Variants in SMOC2 observed in about 807,000 individuals in gnomAD.
The protein encoded by SMOC2 is SPARC-related modular calcium-binding protein 2.
SMOC2 carries 39 observed loss-of-function variants against 61.4 expected under a neutral mutation model. That is an observed-to-expected ratio of 0.64 (90% CI 0.49 to 0.83). The LOEUF (loss-of-function observed/expected upper bound fraction) is 0.83, where lower values mean the gene tolerates loss of function less well. SMOC2 is among the 40% of genes least tolerant of loss of function. The pLI is 0.00. For synonymous variants in SMOC2, 247 were observed against 239.9 expected, an observed-to-expected ratio of 1.03 and a Z score of -0.27; for missense variants, 556 against 592.9, an observed-to-expected ratio of 0.94 and a Z score of 0.65.
chr6:168,618,355 G>A (rs1329548378), intron 9 of SMOC2, among the ~76,000 whole-genome samples: 1 of 151,222 alleles, frequency 6.6e-6, no homozygotes, highest in Non-Finnish European at 1.5e-5. Context: ...GTGGCATTAA[G>A]AGGAGAGTGG....
intron 7 of SMOC2, 139 bp from the exon 8 acceptor site, chr6:168,598,679 C>T (rs374112650): frequency 1.1e-6 from 1 of 932,948 alleles, no homozygotes; most frequent in Non-Finnish European, 1.7e-6. Context: ...GCTGTGCCCC[C>T]CACGCTGGCA....
At chr6:168,573,081 C>G (rs1223721924) in intron 7 of SMOC2, among the ~76,000 whole-genome samples, 8 of 70,162 alleles carry the variant, frequency 1.1e-4, no homozygotes, top group East Asian at 9.9e-4. Context: ...GGGCTGCGTG[C>G]TCCTTGGACG....
At chr6:168,662,403 G>C (rs964853010) in intron 11 of SMOC2, among the ~76,000 whole-genome samples, 5 of 152,210 alleles carry the variant, frequency 3.3e-5, no homozygotes, top group African/African-American at 1.2e-4. Context: ...GAGCAGAGGA[G>C]AACCAAGGGC....
chr6:168,583,045 T>C (rs778584705), intron 7 of SMOC2, among the ~76,000 whole-genome samples: 1 of 152,234 alleles, frequency 6.6e-6, no homozygotes, highest in Non-Finnish European at 1.5e-5. Flanking sequence ...TCAGTGATTC[T>C]GAACTGTTTT....
At chr6:168,653,830 A>G (rs1178973014) in intron 11 of SMOC2, among the ~76,000 whole-genome samples, 1 of 143,566 alleles carries the variant, frequency 7.0e-6, no homozygotes. Flanking sequence ...CTGAGCTCCA[A>G]CCAGATGTTA....
intron 2 of SMOC2, among the ~76,000 whole-genome samples, chr6:168,525,894 T>C (rs553346650): frequency 6.6e-6 from 1 of 152,318 alleles, no homozygotes; most frequent in Non-Finnish European, 1.5e-5. Context: ...CTGTTTTTAA[T>C]GGTGGCATCT....
intron 1 of SMOC2, among the ~76,000 whole-genome samples, chr6:168,447,731 G>A (rs1462774155): frequency 6.6e-6 from 1 of 151,864 alleles, no homozygotes; most frequent in Non-Finnish European, 1.5e-5. Context: ...GGGGTTCAGA[G>A]CCCTTGAGTG....
At chr6:168,549,659 A>C (rs533278098) in intron 7 of SMOC2, among the ~76,000 whole-genome samples, 1 of 152,178 alleles carries the variant, frequency 6.6e-6, no homozygotes. Context: ...TCCTTGTAAC[A>C]GTGGACCCAT....
chr6:168,453,585 T>G lies in SMOC2; in HGVS notation c.84+12131T>G, dbSNP rs982060381. Reference sequence around the variant, plus strand: ...GATTCTCTCAGTCTCTGCCATTTGCTCTCTCTCTTTCTGTCTGTCTCTGTT... The same window carrying G: ...GATTCTCTCAGTCTCTGCCATTTGCGCTCTCTCTTTCTGTCTGTCTCTGTT... On this transcript the variant is annotated intron_variant, in intron 1 of 12. Coordinates refer to ENST00000356284, the MANE Select transcript of SMOC2 (RefSeq NM_001166412.2). This position sits in a 1 kb window ranked among gnomAD's most constrained non-coding sequence, Gnocchi z 4.4. 2.0e-5 allele frequency among the ~76,000 whole-genome samples: 3 copies of G among 151,442 alleles called. No homozygotes were observed. The highest frequency in any genetic ancestry group is 7.3e-5 in the African/African-American group (3 of 41,054).
intron 4 of SMOC2, among the ~76,000 whole-genome samples, chr6:168,541,974 T>A (rs1370968063): frequency 1.3e-5 from 2 of 152,232 alleles, no homozygotes; most frequent in Non-Finnish European, 1.5e-5. Context: ...AAATATTTTC[T>A]TATTTCAATT....
At chr6:168,538,378 T>TA (rs1783792596) in intron 4 of SMOC2, among the ~76,000 whole-genome samples, 1 of 61,520 alleles carries the variant, frequency 1.6e-5, no homozygotes, top group Non-Finnish European at 3.0e-5. Context: ...TGCTGGAATG[T>TA]GGGGAGTGGG....
intron 7 of SMOC2, among the ~76,000 whole-genome samples, chr6:168,583,630 G>C (rs776523082): frequency 6.6e-6 from 1 of 152,142 alleles, no homozygotes; most frequent in Non-Finnish European, 1.5e-5. Flanking sequence ...AGAGGCACAC[G>C]AAAGCCGGGC....
At chr6:168,589,989 G>T (rs1488784875) in intron 7 of SMOC2, among the ~76,000 whole-genome samples, 1 of 29,898 alleles carries the variant, frequency 3.3e-5, no homozygotes, top group Non-Finnish European at 6.8e-5. Context: ...GGGGCAGCCG[G>T]CCTGGTGGTG....
intron 1 of SMOC2, among the ~76,000 whole-genome samples, chr6:168,443,640 C>T (rs539335398): frequency 2.6e-5 from 4 of 152,320 alleles, no homozygotes; most frequent in South Asian, 2.1e-4. Context: ...TGACTGGTCG[C>T]TGGGAGATGT....
chr6:168,490,510 A>C (rs2115032183), intron 1 of SMOC2, among the ~76,000 whole-genome samples: 1 of 152,306 alleles, frequency 6.6e-6, no homozygotes, highest in South Asian at 2.1e-4. Context: ...CCCATCTTCA[A>C]GTTCACAGTG....
At chr6:168,577,683 T>C (rs1236322860) in intron 7 of SMOC2, among the ~76,000 whole-genome samples, 2 of 152,186 alleles carry the variant, frequency 1.3e-5, no homozygotes, top group African/African-American at 4.8e-5. Flanking sequence ...TCACTCCTGT[T>C]TCATCTGCAT....
chr6:168,469,679 CTG>C (rs1213936981), intron 1 of SMOC2, among the ~76,000 whole-genome samples: 5 of 152,156 alleles, frequency 3.3e-5, no homozygotes, highest in African/African-American at 1.2e-4. Context: ...TTTGCAGAGA[CTG>C]ACCACATGGC....
chr6:168,659,956 G>T (rs1006148893), intron 11 of SMOC2, among the ~76,000 whole-genome samples: 3 of 121,854 alleles, frequency 2.5e-5, no homozygotes, highest in Non-Finnish European at 5.7e-5. Context: ...GTTGTAGGTT[G>T]GGTGAGGTTG....
At position 168,452,130 on chromosome 6, in the gene SMOC2, A is replaced by AC; in HGVS notation, c.84+10680dup. ...TTTCTGCCACCTTGCCTGCAAAAAT[A>AC]CCCCACGGGCCTGCTGCCCCAAGTG... On this transcript the variant is annotated intron_variant, in intron 1 of 12. Coordinates refer to ENST00000356284, the MANE Select transcript of SMOC2 (RefSeq NM_001166412.2). The surrounding 1 kb of genome is among the most constrained non-coding windows in gnomAD (Gnocchi z 5.0). 6.6e-6 allele frequency among the ~76,000 whole-genome samples: 1 copy of AC among 152,286 alleles called. No individual in the cohort carries two copies. The highest frequency in any genetic ancestry group is 1.9e-4 in the East Asian group (1 of 5,182).
Sources: gnomAD v4.1 joint callset for allele counts (sites outside exome capture counted in the v4.1 genomes callset) on GRCh38, gnomAD v4.1.1 for gene constraint, Gnocchi (gnomAD v3.1) non-coding constraint, MANE v1.5 for transcripts, NCBI Gene and HGNC (gene_info 2026-07-23, HGNC 2026-07-21) for gene names.